NEGR1: variants seen among roughly 807,000 people sequenced by gnomAD.
NEGR1 encodes the protein IgLON family member 4.
A neutral mutation model predicts 40.9 loss-of-function variants in NEGR1; 10 were observed. That is an observed-to-expected ratio of 0.24 (90% CI 0.15 to 0.42). NEGR1 has a LOEUF of 0.42. NEGR1 is among the 10% of genes least tolerant of loss of function. The probability of loss-of-function intolerance (pLI) is 1.00; values close to 1 mark genes in which losing one functional copy is unlikely to be tolerated. For missense variants in NEGR1, 352 were observed against 438.9 expected (o/e 0.80, Z 1.77); for synonymous variants, 185 against 166.8 (o/e 1.11, Z -0.84).
At chr1:72,046,428 C>T (rs1470425036) in intron 1 of NEGR1, among the ~76,000 whole-genome samples, 1 of 151,310 alleles carries the variant, frequency 6.6e-6, no homozygotes, top group Non-Finnish European at 1.5e-5. Flanking sequence ...GAGATGAGAC[C>T]TCTATTCAAT....
intron 1 of NEGR1, chr1:72,275,041 C>G: frequency 6.7e-7 from 1 of 1,501,638 alleles, no homozygotes; most frequent in East Asian, 2.3e-5. Context: ...AGCTTTGGAG[C>G]TCTTGGAACC....
intron 1 of NEGR1, among the ~76,000 whole-genome samples, chr1:72,162,415 G>T (rs72941212): frequency 0.012 from 1,892 of 152,200 alleles, 32 homozygotes; most frequent in African/African-American, 0.042. Flanking sequence ...TAAGCCAGCC[G>T]AGATCGTGCC....
At chr1:71,831,970 C>G (rs368714363) in intron 2 of NEGR1, among the ~76,000 whole-genome samples, 1 of 151,658 alleles carries the variant, frequency 6.6e-6, no homozygotes, top group African/African-American at 2.4e-5. Flanking sequence ...GGGTTTTGAA[C>G]GGGGAGTAAC....
chr1:71,955,049 A>G (rs1646108163), intron 1 of NEGR1, among the ~76,000 whole-genome samples: 1 of 152,242 alleles, frequency 6.6e-6, no homozygotes. Flanking sequence ...TAGATTTCGG[A>G]TTTAACCTCA....
At chr1:72,188,807 CTTAT>C (rs546547682) in intron 1 of NEGR1, among the ~76,000 whole-genome samples, 119 of 151,590 alleles carry the variant, frequency 7.9e-4, no homozygotes, top group African/African-American at 2.7e-3. Flanking sequence ...TTATTATGAT[CTTAT>C]TTAAACAATA....
At chr1:72,099,485 T>C (rs531889408) in intron 1 of NEGR1, among the ~76,000 whole-genome samples, 172 of 152,134 alleles carry the variant, frequency 1.1e-3, no homozygotes, top group Non-Finnish European at 2.1e-3. Context: ...GGCCTGCTTA[T>C]TTTCTAACTT....
At chr1:72,131,421 T>C (rs2100313605) in intron 1 of NEGR1, among the ~76,000 whole-genome samples, 1 of 152,228 alleles carries the variant, frequency 6.6e-6, no homozygotes, top group East Asian at 1.9e-4. Flanking sequence ...AAAGAAACAA[T>C]TAAATTCCAG....
intron 2 of NEGR1, among the ~76,000 whole-genome samples, chr1:71,839,198 C>CT (rs140520810): frequency 0.012 from 981 of 79,998 alleles, 13 homozygotes; most frequent in Admixed American, 0.018. Flanking sequence ...AGAGACCAGA[C>CT]TTTTTTTTTT....
chr1:71,957,013 G>A (rs1332821195), intron 1 of NEGR1, among the ~76,000 whole-genome samples: 2 of 152,032 alleles, frequency 1.3e-5, no homozygotes, highest in East Asian at 3.8e-4. Flanking sequence ...TTTCCTCATC[G>A]CAGGAATACT....
intron 6 of NEGR1, among the ~76,000 whole-genome samples, chr1:71,590,049 C>T (rs1649446610): frequency 6.6e-6 from 1 of 152,102 alleles, no homozygotes; most frequent in African/African-American, 2.4e-5. Context: ...CGGTTCAACA[C>T]TAGAGTGCTT....
chr1:72,062,736 G>T (rs537852870), intron 1 of NEGR1, among the ~76,000 whole-genome samples: 1 of 151,934 alleles, frequency 6.6e-6, no homozygotes, highest in Non-Finnish European at 1.5e-5. Flanking sequence ...CCAGCATCTG[G>T]GGCAGGAGCT....
chr1:71,759,252 A>C (rs1228318721), intron 3 of NEGR1, among the ~76,000 whole-genome samples: 4 of 151,688 alleles, frequency 2.6e-5, no homozygotes, highest in Non-Finnish European at 4.4e-5. Flanking sequence ...TGAAATTTAT[A>C]ACCAAAGTAA....
At chr1:71,546,243 A>G (rs1233873180) in intron 6 of NEGR1, among the ~76,000 whole-genome samples, 2 of 151,730 alleles carry the variant, frequency 1.3e-5, no homozygotes, top group African/African-American at 4.8e-5. Context: ...CACACTCAAC[A>G]GAGGGTAAAA....
At chr1:72,205,556 T>G (rs1339298074) in intron 1 of NEGR1, among the ~76,000 whole-genome samples, 2 of 151,352 alleles carry the variant, frequency 1.3e-5, no homozygotes, top group Admixed American at 6.6e-5. Context: ...TACATTTTTT[T>G]TTTTTTTAAT....
chr1:72,076,084 T>TA (rs1647719175), intron 1 of NEGR1, among the ~76,000 whole-genome samples: 1 of 152,196 alleles, frequency 6.6e-6, no homozygotes, highest in African/African-American at 2.4e-5. Flanking sequence ...AATATACTCT[T>TA]ATAAGCCTGA....
intron 3 of NEGR1, among the ~76,000 whole-genome samples, chr1:71,699,903 C>T (rs533617398): frequency 4.0e-5 from 6 of 151,836 alleles, no homozygotes; most frequent in East Asian, 3.9e-4. Context: ...TTTGCTTCCT[C>T]CTCTTTTTTC....
chr1:71,697,794 C>T, intron 4 of NEGR1: 2 of 538,952 alleles, frequency 3.7e-6, no homozygotes, highest in Non-Finnish European at 3.3e-6. Context: ...TCACTCCATA[C>T]ATCAGACTGA....
chr1:71,784,921 G>C, intron 2 of NEGR1, among the ~76,000 whole-genome samples: 1 of 152,116 alleles, frequency 6.6e-6, no homozygotes, highest in Non-Finnish European at 1.5e-5. Context: ...CAAATTTCTC[G>C]CATGCTGTAC....
chr1:71,534,561 C>A (rs528740279), intron 6 of NEGR1, among the ~76,000 whole-genome samples: 2 of 151,578 alleles, frequency 1.3e-5, no homozygotes, highest in African/African-American at 4.8e-5. Context: ...GCATAACAAG[C>A]TACAATTAAA....
Sources: allele counts gnomAD v4.1 joint callset (sites outside exome capture counted in the v4.1 genomes callset), GRCh38; gene constraint gnomAD v4.1.1; transcripts MANE v1.5; gene names NCBI Gene and HGNC (gene_info 2026-07-23, HGNC 2026-07-21).